MIPEP: variants seen among roughly 807,000 people sequenced by gnomAD.
MIPEP encodes the protein mitochondrial intermediate peptidase.
MIPEP carries 79 observed loss-of-function variants against 90.3 expected under a neutral mutation model. The ratio of observed to expected loss-of-function variants is 0.87; its 90% CI spans 0.73 to 1.05. The LOEUF (loss-of-function observed/expected upper bound fraction) is 1.05. Ranked by LOEUF, MIPEP falls within the 50% of genes least tolerant of loss-of-function variation. The pLI, the probability that MIPEP is intolerant of heterozygous loss-of-function variation, is 0.00. For missense variants in MIPEP, 940 were observed against 905.6 expected, an observed-to-expected ratio of 1.04 and a Z score of -0.49; for synonymous variants, 334 against 315.8, an observed-to-expected ratio of 1.06 and a Z score of -0.61.
Position 23,854,661 on chromosome 13 carries a change from G to A in MIPEP, c.1106+4199C>T, listed in dbSNP as rs1593192783. Among the ~76,000 whole-genome samples, 5 of 152,242 alleles carry A rather than the reference G, an allele frequency of 3.3e-5. No individual in the cohort carries two copies. The East Asian group carries it at 9.6e-4, about 29-fold the overall frequency. On this transcript the variant is annotated intron_variant, in intron 10 of 18. Coordinates refer to ENST00000382172, the MANE Select transcript of MIPEP (RefSeq NM_005932.4). ...AATCCCAGCACTTTGGGAGGCTGAG[G>A]CAGGCGGATCACTTGAGGCTAGGAA...
chr13:23,803,923 TA>T (rs754962899), intron 16 of MIPEP, among the ~76,000 whole-genome samples: 1 of 152,170 alleles, frequency 6.6e-6, no homozygotes, highest in Non-Finnish European at 1.5e-5. Context: ...ATGCTTCTTT[TA>T]AAGACCTCTT....
intron 14 of MIPEP, among the ~76,000 whole-genome samples, chr13:23,831,386 G>GGGGGCGGGGGGGGGGGGC (rs1868748814): frequency 2.9e-5 from 2 of 69,416 alleles, no homozygotes; most frequent in Admixed American, 1.9e-4. Flanking sequence ...CCCATGGCGG[G>GGGGGCGGGGGGGGGGGGC]GGGGGGATGT....
intron 17 of MIPEP, among the ~76,000 whole-genome samples, chr13:23,759,433 C>A (rs1952517065): frequency 6.7e-6 from 1 of 150,372 alleles, no homozygotes; most frequent in Non-Finnish European, 1.5e-5. Context: ...ACAAGATCCC[C>A]ATACCTCCCC....
At chr13:23,818,411 G>C (rs1225080888) in intron 14 of MIPEP, among the ~76,000 whole-genome samples, 1 of 151,946 alleles carries the variant, frequency 6.6e-6, no homozygotes, top group African/African-American at 2.4e-5. Flanking sequence ...GGGTGACAGA[G>C]CGAGACTCTG....
At chr13:23,829,187 TG>T (rs1868616210) in intron 14 of MIPEP, among the ~76,000 whole-genome samples, 1 of 152,056 alleles carries the variant, frequency 6.6e-6, no homozygotes, top group South Asian at 2.1e-4. Context: ...GATTAAAAAT[TG>T]AAAGAGAAAA....
At chr13:23,885,657 A>T (rs1871446407) in intron 2 of MIPEP, among the ~76,000 whole-genome samples, 1 of 151,836 alleles carries the variant, frequency 6.6e-6, no homozygotes, top group South Asian at 2.1e-4. Flanking sequence ...AGATCTAGGT[A>T]TACACTTCTA....
At chr13:23,785,514 T>C (rs775210783) in intron 16 of MIPEP, among the ~76,000 whole-genome samples, 3 of 150,748 alleles carry the variant, frequency 2.0e-5, no homozygotes, top group African/African-American at 4.9e-5. Context: ...TTAGGAGATA[T>C]ACCCAATGTA....
intron 14 of MIPEP, among the ~76,000 whole-genome samples, chr13:23,831,380 T>TGGCCGG (rs1555237494): frequency 1.9e-4 from 3 of 15,692 alleles, no homozygotes; most frequent in East Asian, 0.013. Flanking sequence ...AGCTTCCCCA[T>TGGCCGG]GGCGGGGGGG....
At chr13:23,836,544 A>T (rs1011476342) in intron 13 of MIPEP, among the ~76,000 whole-genome samples, 195 bp from the exon 14 acceptor site, 1 of 152,206 alleles carries the variant, frequency 6.6e-6, no homozygotes, top group Non-Finnish European at 1.5e-5. Flanking sequence ...ATTTTCCTTT[A>T]TATCAAAATT....
intron 18 of MIPEP, among the ~76,000 whole-genome samples, chr13:23,744,741 T>G (rs998368893): frequency 6.6e-6 from 1 of 152,232 alleles, no homozygotes; most frequent in East Asian, 1.9e-4. Context: ...CTCCTAGCCA[T>G]TCAATGCTGG....
chr13:23,767,811 T>C (rs1448072421), intron 16 of MIPEP, among the ~76,000 whole-genome samples: 2 of 152,196 alleles, frequency 1.3e-5, no homozygotes, highest in African/African-American at 2.4e-5. Context: ...ATTTTATAAA[T>C]AGACTTGAAA....
chr13:23,741,223 G>T (rs1003796532), intron 18 of MIPEP, among the ~76,000 whole-genome samples: 1 of 151,792 alleles, frequency 6.6e-6, no homozygotes, highest in African/African-American at 2.4e-5. Context: ...TGTTGGCGGG[G>T]GTATAAATTA....
intron 18 of MIPEP, among the ~76,000 whole-genome samples, chr13:23,752,355 T>C (rs547289302): frequency 1.3e-5 from 2 of 152,236 alleles, no homozygotes; most frequent in Non-Finnish European, 2.9e-5. Context: ...CTATTTGCTG[T>C]AGTAAGAAAC....
Position 23,876,157 on chromosome 13 carries a change from T to C in MIPEP, c.540-1248A>G, listed in dbSNP as rs80192139. On this transcript the variant is annotated intron_variant, in intron 4 of 18. Transcript: ENST00000382172. ...CCAAATGCTCCTCCATGAAGTCTTA[T>C]CAATTTACCCGTAACTAGAGAGGAT... 4.0e-3 allele frequency among the ~76,000 whole-genome samples: 613 copies of C among 152,306 alleles called. 3 individuals are homozygous for C. The highest frequency in any genetic ancestry group is 0.013 in the African/African-American group (555 of 41,550).
At chr13:23,734,744 G>A (rs973763841) in intron 18 of MIPEP, among the ~76,000 whole-genome samples, 4 of 151,890 alleles carry the variant, frequency 2.6e-5, no homozygotes, top group African/African-American at 9.7e-5. Context: ...CCCCTTTCCA[G>A]CAGGAAGTAG....
intron 16 of MIPEP, among the ~76,000 whole-genome samples, chr13:23,773,198 C>T (rs951772444): frequency 3.9e-5 from 6 of 152,182 alleles, no homozygotes; most frequent in African/African-American, 1.4e-4. Context: ...TTTACCTGTT[C>T]TGGACATTTC....
At chr13:23,823,299 G>T (rs180800645) in intron 14 of MIPEP, among the ~76,000 whole-genome samples, 2 of 152,262 alleles carry the variant, frequency 1.3e-5, no homozygotes, top group East Asian at 3.9e-4. Context: ...TTTGTAAAAT[G>T]AGGATAAAAA....
At chr13:23,808,247 T>C (rs1016194746) in intron 15 of MIPEP, among the ~76,000 whole-genome samples, 9 of 152,032 alleles carry the variant, frequency 5.9e-5, no homozygotes, top group East Asian at 3.9e-4. Flanking sequence ...TATAGGCGCC[T>C]GCCACCACGC....
At chr13:23,752,068 A>C (rs1952447303) in intron 18 of MIPEP, among the ~76,000 whole-genome samples, 2 of 152,218 alleles carry the variant, frequency 1.3e-5, no homozygotes, top group African/African-American at 4.8e-5. Flanking sequence ...AAGGCAGCAC[A>C]GAGGGTATGA....
Sources: allele counts gnomAD v4.1 joint callset (sites outside exome capture counted in the v4.1 genomes callset), GRCh38; gene constraint gnomAD v4.1.1; transcripts MANE v1.5; gene names NCBI Gene and HGNC (gene_info 2026-07-23, HGNC 2026-07-21).